ARHGAP5: variants seen among roughly 807,000 people sequenced by gnomAD.
The protein encoded by ARHGAP5 is Rho GTPase activating protein 5.
A neutral mutation model predicts 116.6 loss-of-function variants in ARHGAP5; 23 were observed. That is an observed-to-expected ratio of 0.20 (90% confidence interval 0.14 to 0.28). The LOEUF is 0.28. Ranked by LOEUF, ARHGAP5 falls within the 10% of genes least tolerant of loss-of-function variation. The probability of loss-of-function intolerance (pLI) is 1.00; values close to 1 mark genes in which losing one functional copy is unlikely to be tolerated. For missense variants in ARHGAP5, 1,405 were observed against 1,774.8 expected (o/e 0.79, Z 3.74); for synonymous variants, 574 against 602.0 (o/e 0.95, Z 0.68).
chr14:32,091,786 G>C lies in ARHGAP5; in HGVS notation c.1117G>C (p.Asp373His). The change falls in exon 2 of 7, where the codon GAT becomes CAT. Residue 373 changes from aspartate (D) to histidine (H), a missense_variant. By Grantham distance (81) the Asp-to-His change is moderately conservative. Transcript: ENST00000345122. ...EALKLMEKRA[D>H]FQLCFVVLEK... ...TTTGAAGTTAATGGAAAAGAGAGCAGATTTCCAGTTATGTTTTGTGGTGCT... is the reference window on the plus strand; with the variant it reads ...TTTGAAGTTAATGGAAAAGAGAGCACATTTCCAGTTATGTTTTGTGGTGCT... 1 of 1,613,634 alleles carries C rather than the reference G, an allele frequency of 6.2e-7. No individual in the cohort carries two copies. The highest frequency in any genetic ancestry group is 8.5e-7 in the Non-Finnish European group (1 of 1,179,644).
At chr14:32,154,586 T>C in intron 6 of ARHGAP5, 35 bp from the exon 7 acceptor site, 2 of 1,479,536 alleles carry the variant, frequency 1.4e-6, no homozygotes, top group East Asian at 2.3e-5. Flanking sequence ...TAATGAGTTT[T>C]GATTTCTAAA....
intron 3 of ARHGAP5, among the ~76,000 whole-genome samples, chr14:32,132,901 T>C (rs1445315767): frequency 4.6e-5 from 7 of 152,234 alleles, no homozygotes; most frequent in Admixed American, 1.3e-4. Context: ...GTTGTAGATA[T>C]GTGGCATTAT....
At chr14:32,083,075 A>G (rs972073919) in intron 1 of ARHGAP5, among the ~76,000 whole-genome samples, 3 of 152,216 alleles carry the variant, frequency 2.0e-5, no homozygotes, top group African/African-American at 4.8e-5. Context: ...ATTCTACCCT[A>G]ATTGTACACC....
intron 4 of ARHGAP5, among the ~76,000 whole-genome samples, chr14:32,148,772 A>G (rs1267534146): frequency 1.3e-5 from 2 of 152,174 alleles, no homozygotes; most frequent in Non-Finnish European, 2.9e-5. Flanking sequence ...TAAACTGTAA[A>G]CAATGCTTCT....
intron 3 of ARHGAP5, among the ~76,000 whole-genome samples, chr14:32,137,966 C>T (rs558504188): frequency 6.5e-5 from 9 of 138,302 alleles, no homozygotes; most frequent in East Asian, 2.2e-4. Flanking sequence ...AGTGAGGCTT[C>T]GTCTCAAAAA....
intron 3 of ARHGAP5, among the ~76,000 whole-genome samples, chr14:32,140,550 A>G (rs1017953612): frequency 6.6e-6 from 1 of 152,160 alleles, no homozygotes; most frequent in Non-Finnish European, 1.5e-5. Flanking sequence ...AGATCATACC[A>G]CTGCACTCCA....
At chr14:32,114,349 G>T (rs1360063853) in intron 2 of ARHGAP5, among the ~76,000 whole-genome samples, 1 of 152,134 alleles carries the variant, frequency 6.6e-6, no homozygotes, top group Non-Finnish European at 1.5e-5. Flanking sequence ...ATAGTTGGTA[G>T]GCTGCAATGC....
chr14:32,144,610 A>G (rs770229616), intron 3 of ARHGAP5, among the ~76,000 whole-genome samples: 40 of 151,948 alleles, frequency 2.6e-4, no homozygotes, highest in Non-Finnish European at 4.7e-4. Flanking sequence ...TAGCCTCCCA[A>G]GTAACTGAGA....
chr14:32,136,942 TTTGTTAAG>T (rs1439650378), intron 3 of ARHGAP5, among the ~76,000 whole-genome samples: 4 of 152,074 alleles, frequency 2.6e-5, no homozygotes, highest in Non-Finnish European at 5.9e-5. Flanking sequence ...TGGGTTATCT[TTTGTTAAG>T]TTGTTAAGTT....
In ARHGAP5 at chr14:32,090,774, T is replaced by C. The variant is rs1878201387; in HGVS notation, c.105T>C (p.Ser35=). The change falls in exon 2 of 7, where the codon TCT becomes TCC. Residue 35 remains serine, a synonymous_variant. Coordinates refer to ENST00000345122, the MANE Select transcript of ARHGAP5 (RefSeq NM_001030055.2). ...AAGGTAACTGTGGAGTTGGAAAGTC[T>C]TGTTTGTGCAATAGATTTGTACGCT... ...KDKGNCGVGK[S]CLCNRFVRSK... is the part of the protein sequence containing the mutation. 1 of 1,613,682 alleles carries C rather than the reference T, an allele frequency of 6.2e-7. No homozygotes were observed. Among genetic ancestry groups the C allele is most frequent in the Non-Finnish European group, 8.5e-7 (1 of 1,179,622 alleles).
intron 2 of ARHGAP5, among the ~76,000 whole-genome samples, chr14:32,114,686 G>C (rs2139063903): frequency 6.6e-6 from 1 of 152,244 alleles, no homozygotes; most frequent in African/African-American, 2.4e-5. Flanking sequence ...TAGAAGTTAG[G>C]TTTCATGAGC....
At chr14:32,118,461 G>C (rs1003875538) in intron 3 of ARHGAP5, among the ~76,000 whole-genome samples, 5 of 151,762 alleles carry the variant, frequency 3.3e-5, no homozygotes, top group Admixed American at 2.6e-4. Context: ...CATGCCACCT[G>C]CACTCCAGCC....
chr14:32,124,639 A>G (rs1880052909), intron 3 of ARHGAP5, among the ~76,000 whole-genome samples: 1 of 152,200 alleles, frequency 6.6e-6, no homozygotes, highest in Admixed American at 6.5e-5. Flanking sequence ...CATTCCATTA[A>G]TGAAAATAGA....
At chr14:32,149,009 T>A (rs1881518513) in intron 4 of ARHGAP5, among the ~76,000 whole-genome samples, 1 of 152,206 alleles carries the variant, frequency 6.6e-6, no homozygotes, top group Non-Finnish European at 1.5e-5. Flanking sequence ...GTACCCCTTA[T>A]TCAAAATTCT....
chr14:32,153,338 C>T (rs1333731913), intron 6 of ARHGAP5, among the ~76,000 whole-genome samples: 16 of 113,432 alleles, frequency 1.4e-4, no homozygotes, highest in African/African-American at 4.0e-4. Flanking sequence ...GCCCGGGAGG[C>T]GGAGGTTGCA....
chr14:32,127,704 G>A (rs1449940059), intron 3 of ARHGAP5, among the ~76,000 whole-genome samples: 1 of 152,166 alleles, frequency 6.6e-6, no homozygotes, highest in Non-Finnish European at 1.5e-5. Context: ...TCCCAGACGG[G>A]GTGGCGGCCG....
In ARHGAP5 at chr14:32,090,509, A is replaced by G; in HGVS notation, c.-161A>G. The G allele has an allele frequency of 1.7e-6, 1 of 598,984 alleles. No individual in the cohort carries two copies. The highest frequency in any genetic ancestry group is 2.6e-5 in the South Asian group (1 of 37,958). The allele number at this position is 598,984 out of a possible 1,614,324, so 37.1% of individuals were successfully genotyped here. ...TTTCTCCCCTCTCTATAGGAAGATGATCCCTATGATCTTGAAGATGTTTCT... is the reference window on the plus strand; with the variant it reads ...TTTCTCCCCTCTCTATAGGAAGATGGTCCCTATGATCTTGAAGATGTTTCT... On this transcript the variant is annotated 5_prime_UTR_variant, in exon 2 of 7. It removes the in-frame stop codon of an upstream open reading frame in the 5' UTR. Coordinates refer to ENST00000345122, the MANE Select transcript of ARHGAP5 (RefSeq NM_001030055.2).
chr14:32,100,050 A>T (rs1175600249), intron 2 of ARHGAP5, among the ~76,000 whole-genome samples: 1 of 152,232 alleles, frequency 6.6e-6, no homozygotes, highest in African/African-American at 2.4e-5. Context: ...AAATATTTCT[A>T]CATAATTGAA....
At chr14:32,095,332 CTAAGTT>C (rs1327869909) in intron 2 of ARHGAP5, among the ~76,000 whole-genome samples, 1 of 149,540 alleles carries the variant, frequency 6.7e-6, no homozygotes, top group Non-Finnish European at 1.5e-5. Context: ...GCTTTATTTT[CTAAGTT>C]TAAGTTAAAG....
Sources: gnomAD v4.1 joint callset for allele counts (sites outside exome capture counted in the v4.1 genomes callset) on GRCh38, gnomAD v4.1.1 for gene constraint, MANE v1.5 for transcripts, NCBI Gene and HGNC (gene_info 2026-07-23, HGNC 2026-07-21) for gene names.